Variants in DOCK3 observed in about 807,000 individuals in gnomAD.
The protein encoded by DOCK3 is dedicator of cytokinesis 3, also known as dedicator of cytokinesis protein 3.
A neutral mutation model predicts 265.6 loss-of-function variants in DOCK3; 60 were observed. The ratio of observed to expected loss-of-function variants is 0.23; its 90% CI spans 0.18 to 0.28. DOCK3 has a LOEUF of 0.28. Ranked by LOEUF, DOCK3 falls within the 10% of genes least tolerant of loss-of-function variation. The probability of loss-of-function intolerance (pLI) is 1.00; values close to 1 mark genes in which losing one functional copy is unlikely to be tolerated. For missense variants in DOCK3, 1,981 were observed against 2,594.3 expected (o/e 0.76, Z 5.14); for synonymous variants, 881 against 938.0 (o/e 0.94, Z 1.11).
intron 3 of DOCK3, among the ~76,000 whole-genome samples, chr3:50,877,930 A>G (rs999599942): frequency 6.6e-6 from 1 of 152,216 alleles, no homozygotes; most frequent in East Asian, 1.9e-4. Flanking sequence ...AAGCTTCCAG[A>G]GGAAGGATCA....
intron 5 of DOCK3, among the ~76,000 whole-genome samples, chr3:51,016,563 TTA>T (rs1491577799): frequency 9.8e-5 from 8 of 82,020 alleles, no homozygotes; most frequent in Non-Finnish European, 1.5e-4. Context: ...ATATCATATA[TTA>T]TATATATATT....
At chr3:50,884,934 T>C (rs542686013) in intron 3 of DOCK3, among the ~76,000 whole-genome samples, 9 of 152,288 alleles carry the variant, frequency 5.9e-5, no homozygotes, top group Admixed American at 2.6e-4. Flanking sequence ...ACTCTTTGTG[T>C]TGTACCATCC....
chr3:51,059,914 A>C (rs1229730663), intron 5 of DOCK3, among the ~76,000 whole-genome samples: 1 of 152,048 alleles, frequency 6.6e-6, no homozygotes, highest in African/African-American at 2.4e-5. Flanking sequence ...TCTCCCTCTA[A>C]TAGATTATTC....
At chr3:51,064,320 T>C (rs2081516443) in intron 5 of DOCK3, 128 bp from the exon 6 acceptor site, 3 of 1,212,836 alleles carry the variant, frequency 2.5e-6, no homozygotes, top group Non-Finnish European at 3.4e-6. Context: ...TAAAATTAAG[T>C]TCCTCTTTAT....
At chr3:51,117,811 C>G (rs1283069359) in intron 9 of DOCK3, among the ~76,000 whole-genome samples, 1 of 151,974 alleles carries the variant, frequency 6.6e-6, no homozygotes, top group Non-Finnish European at 1.5e-5. Flanking sequence ...GGTGATCAAC[C>G]CTTTATAATT....
chr3:51,183,185 TC>T (rs2087401541), intron 12 of DOCK3, among the ~76,000 whole-genome samples: 2 of 152,272 alleles, frequency 1.3e-5, no homozygotes, highest in South Asian at 4.1e-4. Flanking sequence ...TTAAGCATTG[TC>T]CTCTGATATG....
intron 6 of DOCK3, among the ~76,000 whole-genome samples, chr3:51,067,161 A>G (rs942175940): frequency 1.3e-5 from 2 of 152,192 alleles, no homozygotes; most frequent in Non-Finnish European, 2.9e-5. Flanking sequence ...GACACTAATA[A>G]ATGTGTAATT....
chr3:51,208,653 A>G (rs1288923358), intron 12 of DOCK3, 121 bp from the exon 13 acceptor site: 4 of 757,704 alleles, frequency 5.3e-6, no homozygotes, highest in Admixed American at 2.7e-5. Context: ...GTAAAACAGA[A>G]CATCATTTCT....
At chr3:50,679,737 T>G (rs900725308) in intron 1 of DOCK3, among the ~76,000 whole-genome samples, 1 of 152,186 alleles carries the variant, frequency 6.6e-6, no homozygotes, top group Admixed American at 6.5e-5. Context: ...AAGCCCAACC[T>G]TTGCAACCTC....
rs1559626440 is a variant in DOCK3 at position 50,778,659 on chromosome 3, A to G, written c.38-16A>G. The G allele has an allele frequency of 6.4e-7, 1 of 1,566,646 alleles. No homozygotes were observed. The highest frequency in any genetic ancestry group is 8.7e-7 in the Non-Finnish European group (1 of 1,152,876). ...TTTAAAAATGCTAATTGGTGTGTTT[A>G]TCCTTGCTTTTCTAGTGATATGCAG... On this transcript the variant is annotated splice_polypyrimidine_tract_variant and intron_variant, in intron 1 of 52. Coordinates refer to ENST00000266037, the MANE Select transcript of DOCK3 (RefSeq NM_004947.5).
intron 27 of DOCK3, among the ~76,000 whole-genome samples, chr3:51,296,757 A>G (rs987656440): frequency 2.0e-5 from 3 of 152,008 alleles, no homozygotes; most frequent in African/African-American, 2.4e-5. Context: ...ATTTTTTATA[A>G]TACTGCCAAG....
intron 1 of DOCK3, among the ~76,000 whole-genome samples, chr3:50,712,495 G>A (rs565189481): frequency 6.6e-6 from 1 of 152,100 alleles, no homozygotes; most frequent in East Asian, 1.9e-4. Flanking sequence ...CTTCCACCAC[G>A]CCTGGCTAAT....
At chr3:50,790,658 G>A (rs772138915) in intron 2 of DOCK3, among the ~76,000 whole-genome samples, 4 of 152,056 alleles carry the variant, frequency 2.6e-5, no homozygotes, top group Non-Finnish European at 5.9e-5. Flanking sequence ...ATCCCTTCAA[G>A]TTTATAGGGT....
At chr3:50,886,433 G>C (rs1292598209) in intron 3 of DOCK3, among the ~76,000 whole-genome samples, 2 of 151,500 alleles carry the variant, frequency 1.3e-5, no homozygotes, top group African/African-American at 2.4e-5. Flanking sequence ...TATACTTTAA[G>C]TTTTAGGGTA....
intron 5 of DOCK3, among the ~76,000 whole-genome samples, chr3:51,039,585 T>C (rs187709351): frequency 4.8e-4 from 73 of 152,354 alleles, no homozygotes; most frequent in Middle Eastern, 6.8e-3. Flanking sequence ...GTAGTATTGT[T>C]GATAATTGCT....
intron 5 of DOCK3, among the ~76,000 whole-genome samples, chr3:51,002,565 A>G (rs1207847923): frequency 3.3e-5 from 5 of 152,240 alleles, no homozygotes; most frequent in Admixed American, 6.5e-5. Context: ...GTATAGTCTT[A>G]TAACTGTGAT....
chr3:51,258,868 G>C (rs973500970), intron 22 of DOCK3, among the ~76,000 whole-genome samples: 6 of 152,134 alleles, frequency 3.9e-5, no homozygotes, highest in Admixed American at 2.0e-4. Context: ...TATTTTCTTT[G>C]TTCCGATAGA....
intron 5 of DOCK3, among the ~76,000 whole-genome samples, chr3:51,010,824 A>T (rs958854484): frequency 2.6e-5 from 4 of 152,154 alleles, no homozygotes; most frequent in Non-Finnish European, 5.9e-5. Context: ...GGTGGTGACA[A>T]AATCTCTCAG....
intron 51 of DOCK3, among the ~76,000 whole-genome samples, chr3:51,376,635 T>A (rs928604112): frequency 6.6e-6 from 1 of 152,180 alleles, no homozygotes; most frequent in African/African-American, 2.4e-5. Flanking sequence ...AGCTGCTCCA[T>A]CTATTGGAGT....
Sources: gnomAD v4.1 joint callset for allele counts (sites outside exome capture counted in the v4.1 genomes callset) on GRCh38, gnomAD v4.1.1 for gene constraint, MANE v1.5 for transcripts, NCBI Gene and HGNC (gene_info 2026-07-23, HGNC 2026-07-21) for gene names.